FAP: variants seen among roughly 807,000 people sequenced by gnomAD.
FAP encodes the protein prolyl endopeptidase FAP.
Under a neutral mutation model 126.5 loss-of-function variants are expected in FAP, and 110 were observed. The observed-to-expected ratio is 0.87, with a 90% CI of 0.74 to 1.02. The LOEUF (loss-of-function observed/expected upper bound fraction) is 1.02, where lower values mean the gene tolerates loss of function less well. Ranked by LOEUF, FAP falls within the 50% of genes least tolerant of loss-of-function variation. The pLI is 0.00. For missense variants in FAP, 919 were observed against 909.2 expected (o/e 1.01, Z -0.14); for synonymous variants, 334 against 297.3 (o/e 1.12, Z -1.27).
intron 16 of FAP, among the ~76,000 whole-genome samples, chr2:162,197,100 A>G (rs1166643366): frequency 6.6e-6 from 1 of 152,240 alleles, no homozygotes; most frequent in East Asian, 1.9e-4. Flanking sequence ...GCATACATAT[A>G]TAAATGCATG....
intron 2 of FAP, among the ~76,000 whole-genome samples, chr2:162,233,411 T>C (rs1474156646): frequency 1.3e-5 from 2 of 152,044 alleles, no homozygotes; most frequent in Non-Finnish European, 1.5e-5. Flanking sequence ...GGATGCCTAA[T>C]TGCTCCTCTG....
intron 3 of FAP, 106 bp from the exon 4 acceptor site, chr2:162,225,683 T>C (rs1292034436): frequency 3.5e-6 from 4 of 1,153,054 alleles, no homozygotes; most frequent in Non-Finnish European, 4.7e-6. Context: ...GTTTTTCCTC[T>C]CTGTCCAGTA....
At chr2:162,238,230 A>G (rs775387588) in intron 2 of FAP, among the ~76,000 whole-genome samples, 3 of 151,890 alleles carry the variant, frequency 2.0e-5, no homozygotes, top group East Asian at 3.9e-4. Flanking sequence ...TTATTGCTAT[A>G]TTTTATGGCT....
At chr2:162,204,044 C>T (rs752057934) in intron 12 of FAP, among the ~76,000 whole-genome samples, 7 of 152,162 alleles carry the variant, frequency 4.6e-5, no homozygotes, top group South Asian at 4.1e-4. Flanking sequence ...AAGAGCTACT[C>T]TACATCATGC....
chr2:162,189,752 T>C lies in FAP; in HGVS notation c.1453A>G (p.Ile485Val), dbSNP rs780190619. The C allele has an allele frequency of 3.3e-6, 5 of 1,535,908 alleles. No homozygotes were observed. Among genetic ancestry groups the C allele is most frequent in the Non-Finnish European group, 4.5e-6 (5 of 1,120,634 alleles). Residue 485 changes from isoleucine (I) to valine (V), a missense_variant and splice_region_variant, in exon 18 of 26, where the codon ATT becomes GTT. Coordinates refer to ENST00000188790, the MANE Select transcript of FAP (RefSeq NM_004460.5). ...TLHDGRTDQE[I>V]KILEENKELE... ...TCCTTGTTTTCTTCCAGGATTTTAA[T>C]TTCTGAAAAATGTTAAATGTTCATT...
chr2:162,205,782 G>A (rs1183596363), intron 12 of FAP, among the ~76,000 whole-genome samples: 1 of 152,138 alleles, frequency 6.6e-6, no homozygotes, highest in African/African-American at 2.4e-5. Context: ...CAAAGTGCTA[G>A]GATTAAGGTG....
intron 21 of FAP, among the ~76,000 whole-genome samples, chr2:162,177,690 A>G (rs1199918223): frequency 6.6e-6 from 1 of 151,776 alleles, no homozygotes; most frequent in Non-Finnish European, 1.5e-5. Flanking sequence ...GTCATTTAAC[A>G]CTCTCTATAT....
In FAP at chr2:162,223,558, A is replaced by G. The variant is rs111800031; in HGVS notation, c.413+50T>C. 3.1e-4 allele frequency: 352 copies of G among 1,145,298 alleles called. No homozygotes were observed. The African/African-American group carries it at 4.3e-3, about 14-fold the overall frequency. The allele number at this position is 1,145,298 out of a possible 1,614,324, so 70.9% of individuals were successfully genotyped here. A position where few individuals can be genotyped will look rare whatever the true frequency, so the allele number is the denominator to read the frequency against. The stretch of plus-strand genomic sequence containing the variant: ...CCCCAAATCATAGTTTGGAATGAAA[A>G]CATTCTAGGTATTAGATTTAAGTAG... On this transcript the variant is annotated intron_variant, in intron 6 of 25. Coordinates refer to ENST00000188790, the MANE Select transcript of FAP (RefSeq NM_004460.5).
intron 17 of FAP, among the ~76,000 whole-genome samples, chr2:162,193,133 T>C (rs1338970924): frequency 1.3e-5 from 2 of 152,150 alleles, no homozygotes; most frequent in Non-Finnish European, 2.9e-5. Flanking sequence ...ATTTGTTGAA[T>C]GAGATTGCTG....
intron 10 of FAP, 30 bp from the exon 11 acceptor site, chr2:162,214,103 A>G (rs1186758922): frequency 6.2e-7 from 1 of 1,608,978 alleles, no homozygotes; most frequent in Admixed American, 1.7e-5. Flanking sequence ...AGGTAGTCAC[A>G]ACCATAAACC....
intron 25 of FAP, chr2:162,171,325 T>A (rs968988109): frequency 1.5e-5 from 5 of 342,924 alleles, no homozygotes; most frequent in Non-Finnish European, 2.2e-5. Flanking sequence ...TCTCGCATCA[T>A]CCAGCATCCT....
intron 12 of FAP, among the ~76,000 whole-genome samples, chr2:162,206,552 C>G (rs1050924227): frequency 2.6e-5 from 4 of 152,078 alleles, no homozygotes; most frequent in Admixed American, 2.0e-4. Context: ...TTTTGCCAGC[C>G]GCCTAAAGAC....
At chr2:162,212,587 C>T (rs912955619) in intron 11 of FAP, among the ~76,000 whole-genome samples, 1 of 152,070 alleles carries the variant, frequency 6.6e-6, no homozygotes, top group Admixed American at 6.6e-5. Flanking sequence ...TATTATAGTC[C>T]TGATATATTT....
chr2:162,189,221 G>T, intron 18 of FAP, 49 bp from the exon 19 acceptor site: 1 of 1,120,464 alleles, frequency 8.9e-7, no homozygotes, highest in Non-Finnish European at 1.3e-6. Flanking sequence ...AGCACTAGTA[G>T]CATCATTTAT....
intron 10 of FAP, 66 bp downstream of exon 10, chr2:162,215,832 A>T: frequency 8.9e-7 from 1 of 1,126,986 alleles, no homozygotes; most frequent in Non-Finnish European, 1.3e-6. Context: ...TTTTGCTTCT[A>T]GCATGCACAG....
chr2:162,210,017 T>C (rs1199947690), intron 11 of FAP, 21 bp from the exon 12 acceptor site: 2 of 1,607,730 alleles, frequency 1.2e-6, no homozygotes, highest in African/African-American at 2.7e-5. Flanking sequence ...AAAGATCACA[T>C]CGAACATAGT....
rs1413690077 is a variant in FAP, at chr2:162,194,755, G to A, written c.1403-7C>T. ...GAAATGGGGATGCCTGGGCCTGTGG[G>A]CAGGATGAAAACAAAATCATGGCTT... is the stretch of plus-strand genomic sequence containing the variant. On this transcript the variant is annotated splice_polypyrimidine_tract_variant and splice_region_variant and intron_variant, in intron 16 of 25. Coordinates refer to ENST00000188790, the MANE Select transcript of FAP (RefSeq NM_004460.5). 14 of 1,613,310 alleles carry A rather than the reference G, an allele frequency of 8.7e-6. No individual in the cohort carries two copies. The highest frequency in any genetic ancestry group is 1.1e-5 in the Non-Finnish European group (13 of 1,179,394).
At chr2:162,173,855 T>C in intron 22 of FAP, 68 bp from the exon 23 acceptor site, 1 of 1,034,986 alleles carries the variant, frequency 9.7e-7, no homozygotes, top group Non-Finnish European at 1.5e-6. Context: ...CAACAAGACC[T>C]TCTAGTTTAA....
chr2:162,218,589 A>T (rs1189145596), intron 8 of FAP, among the ~76,000 whole-genome samples: 2 of 151,880 alleles, frequency 1.3e-5, no homozygotes, highest in Non-Finnish European at 2.9e-5. Context: ...AGATAGATAG[A>T]TAGATAGATA....
Sources: gnomAD v4.1 joint callset for allele counts (sites outside exome capture counted in the v4.1 genomes callset) on GRCh38, gnomAD v4.1.1 for gene constraint, MANE v1.5 for transcripts, NCBI Gene and HGNC (gene_info 2026-07-23, HGNC 2026-07-21) for gene names.